The following CNTNAP2 variants were observed in gnomAD, a reference collection of about 807,000 sequenced individuals.
CNTNAP2 encodes contactin associated protein 2.
CNTNAP2 carries 98 observed loss-of-function variants against 155.2 expected under a neutral mutation model. The observed-to-expected ratio is 0.63, with a 90% CI of 0.54 to 0.75. The LOEUF is 0.75. Ranked by LOEUF, CNTNAP2 falls within the 30% of genes least tolerant of loss-of-function variation. CNTNAP2 has a pLI of 0.00. For missense variants in CNTNAP2, 1,727 were observed against 1,688.1 expected (o/e 1.02, Z -0.40); for synonymous variants, 651 against 631.2 (o/e 1.03, Z -0.47).
Position 147,432,460 on chromosome 7 carries a change from C to G in CNTNAP2, c.1670+36680C>G, listed in dbSNP as rs982774385. On this transcript the variant is annotated intron_variant, in intron 10 of 23. Transcript: ENST00000361727. Reference sequence around the variant, plus strand: ...GGAAATTATTAGTTCAGTTGTATGCCCAAAGTGTATGACATTAAGTATTAT... The same window carrying G: ...GGAAATTATTAGTTCAGTTGTATGCGCAAAGTGTATGACATTAAGTATTAT... Among the ~76,000 whole-genome samples the G allele has an allele frequency of 1.8e-4, 28 of 152,048 alleles. 1 individual carries two copies. The highest frequency in any genetic ancestry group is 6.5e-4 in the African/African-American group (27 of 41,392).
intron 8 of CNTNAP2, among the ~76,000 whole-genome samples, chr7:147,199,376 C>T (rs1374996933): frequency 1.4e-4 from 22 of 152,028 alleles, no homozygotes; most frequent in Non-Finnish European, 1.5e-5. Context: ...GCAAGATGCC[C>T]TATGAAAATA....
At chr7:148,295,716 C>T (rs1797270034) in intron 21 of CNTNAP2, among the ~76,000 whole-genome samples, 1 of 151,706 alleles carries the variant, frequency 6.6e-6, no homozygotes, top group Admixed American at 6.6e-5. Flanking sequence ...TGGTCTCCAT[C>T]TCCTGACCTC....
intron 14 of CNTNAP2, among the ~76,000 whole-genome samples, chr7:147,904,440 A>G (rs1479223056): frequency 6.6e-6 from 1 of 152,200 alleles, no homozygotes; most frequent in African/African-American, 2.4e-5. Context: ...CTATAAACCT[A>G]AGTGTGATTC....
intron 9 of CNTNAP2, among the ~76,000 whole-genome samples, chr7:147,355,148 A>C (rs826819): frequency 0.5 from 75,605 of 151,724 alleles, 19,305 homozygotes; most frequent in East Asian, 0.72. Flanking sequence ...TTTCGAGTAA[A>C]GTGGAACCCG....
chr7:147,495,045 A>C (rs1248954393), intron 11 of CNTNAP2, among the ~76,000 whole-genome samples: 26 of 152,206 alleles, frequency 1.7e-4, no homozygotes, highest in Admixed American at 1.7e-3. Context: ...GACGAGAGCC[A>C]TTTTCCTTAT....
intron 1 of CNTNAP2, among the ~76,000 whole-genome samples, chr7:146,207,460 T>C (rs1798963868): frequency 6.6e-6 from 1 of 151,990 alleles, no homozygotes; most frequent in African/African-American, 2.4e-5. Flanking sequence ...ATAAATTTTA[T>C]CTAGCTTCCT....
intron 1 of CNTNAP2, among the ~76,000 whole-genome samples, chr7:146,753,885 A>T (rs557527330): frequency 4.4e-4 from 67 of 152,170 alleles, no homozygotes; most frequent in Non-Finnish European, 8.2e-4. Flanking sequence ...GAATATTTGA[A>T]ATCTTACTAT....
intron 1 of CNTNAP2, among the ~76,000 whole-genome samples, chr7:146,522,717 C>T (rs144998487): frequency 2.4e-4 from 36 of 150,842 alleles, no homozygotes; most frequent in African/African-American, 8.5e-4. Flanking sequence ...TGACTTTGTG[C>T]TAGCAAATAA....
At chr7:147,526,468 T>C (rs1346041814) in intron 11 of CNTNAP2, among the ~76,000 whole-genome samples, 5 of 152,100 alleles carry the variant, frequency 3.3e-5, no homozygotes, top group Non-Finnish European at 7.4e-5. Context: ...GTTTTACTCG[T>C]GAGGATTAAA....
At chr7:148,134,267 CAG>C (rs138167404) in intron 16 of CNTNAP2, among the ~76,000 whole-genome samples, 135 of 152,294 alleles carry the variant, frequency 8.9e-4, no homozygotes, top group Non-Finnish European at 1.5e-3. Context: ...TAGTATTCTA[CAG>C]AGTCTTTCTG....
intron 15 of CNTNAP2, among the ~76,000 whole-genome samples, chr7:148,048,869 T>C (rs1158675643): frequency 1.3e-5 from 2 of 152,146 alleles, no homozygotes; most frequent in African/African-American, 2.4e-5. Flanking sequence ...ATCTCCCTTA[T>C]ATACTCTTGA....
At chr7:146,513,178 T>C (rs1367333317) in intron 1 of CNTNAP2, among the ~76,000 whole-genome samples, 1 of 151,960 alleles carries the variant, frequency 6.6e-6, no homozygotes, top group African/African-American at 2.4e-5. Context: ...ATCCTATTTG[T>C]GTCTTTATAG....
chr7:147,664,147 T>A (rs960463716), intron 13 of CNTNAP2, among the ~76,000 whole-genome samples: 23 of 152,246 alleles, frequency 1.5e-4, no homozygotes, highest in African/African-American at 5.5e-4. Flanking sequence ...ATACTGGTTT[T>A]CTCTCAGTTC....
intron 1 of CNTNAP2, among the ~76,000 whole-genome samples, chr7:146,181,684 T>A (rs1798551665): frequency 6.6e-6 from 1 of 152,316 alleles, no homozygotes; most frequent in South Asian, 2.1e-4. Context: ...GTTTTATGCT[T>A]ACTTGGCAAC....
intron 1 of CNTNAP2, among the ~76,000 whole-genome samples, chr7:146,706,175 G>A (rs1800962198): frequency 6.6e-6 from 1 of 152,032 alleles, no homozygotes; most frequent in Non-Finnish European, 1.5e-5. Flanking sequence ...TTCTAGTTGG[G>A]AACCACTGTG....
intron 1 of CNTNAP2, among the ~76,000 whole-genome samples, chr7:146,709,359 A>G (rs1457039047): frequency 1.3e-5 from 2 of 152,156 alleles, no homozygotes; most frequent in Non-Finnish European, 2.9e-5. Flanking sequence ...ACCACAATCC[A>G]TGCTAGTGCT....
chr7:146,281,532 C>T (rs1800251405), intron 1 of CNTNAP2, among the ~76,000 whole-genome samples: 2 of 152,272 alleles, frequency 1.3e-5, no homozygotes, highest in Middle Eastern at 3.4e-3. Context: ...CGCAGTGGCT[C>T]ACGCCTGTAA....
At chr7:146,842,817 C>T (rs552637323) in intron 3 of CNTNAP2, among the ~76,000 whole-genome samples, 1 of 151,742 alleles carries the variant, frequency 6.6e-6, no homozygotes, top group African/African-American at 2.4e-5. Flanking sequence ...TCCCAAGTAG[C>T]TGGGACCACA....
At chr7:147,380,368 A>G (rs944243301) in intron 9 of CNTNAP2, among the ~76,000 whole-genome samples, 9 of 152,168 alleles carry the variant, frequency 5.9e-5, no homozygotes, top group African/African-American at 2.2e-4. Flanking sequence ...ATCAATAAAC[A>G]TGAAGACATT....
Sources: gnomAD v4.1 joint callset for allele counts (sites outside exome capture counted in the v4.1 genomes callset) on GRCh38, gnomAD v4.1.1 for gene constraint, MANE v1.5 for transcripts, NCBI Gene and HGNC (gene_info 2026-07-23, HGNC 2026-07-21) for gene names.